Variants in TMEM156 observed in about 807,000 individuals in gnomAD.
TMEM156 encodes the protein transmembrane protein 156.
A neutral mutation model predicts 30.5 loss-of-function variants in TMEM156; 28 were observed. The observed-to-expected ratio is 0.92, with a 90% CI of 0.68 to 1.26. The LOEUF (loss-of-function observed/expected upper bound fraction) is 1.26. Among genes scored for constraint, TMEM156 ranks in the 50% most tolerant of loss-of-function variants. The pLI is 0.00. For missense variants in TMEM156, 351 were observed against 340.6 expected, an observed-to-expected ratio of 1.03 and a Z score of -0.24; for synonymous variants, 137 against 119.9, an observed-to-expected ratio of 1.14 and a Z score of -0.93.
At chr4:39,019,101 G>T (rs1714698987) in intron 1 of TMEM156, among the ~76,000 whole-genome samples, 1 of 151,030 alleles carries the variant, frequency 6.6e-6, no homozygotes. Flanking sequence ...TTTTGCTTGG[G>T]ATTTGTGGGT....
intron 1 of TMEM156, among the ~76,000 whole-genome samples, chr4:39,019,415 G>A (rs1714715185): frequency 6.6e-6 from 1 of 151,986 alleles, no homozygotes; most frequent in Admixed American, 6.5e-5. Flanking sequence ...TTTCAAATCT[G>A]CCTGGTAACT....
chr4:39,019,651 C>T lies in TMEM156; in HGVS notation c.88+12575G>A, dbSNP rs186977963. 4.3e-4 allele frequency among the ~76,000 whole-genome samples: 66 copies of T among 152,106 alleles called. 1 individual carries two copies. Among genetic ancestry groups the T allele is most frequent in the African/African-American group, 1.5e-3 (62 of 41,480 alleles). ...TTTAAACTTCATATATTTTCAGGTG[C>T]CTTTCCCCAAGTTTTATTAAGGTAT... On this transcript the variant is annotated intron_variant, in intron 1 of 6. Transcript: ENST00000381938.
chr4:38,999,110 A>ATT (rs34889728), intron 1 of TMEM156, among the ~76,000 whole-genome samples: 9 of 106,094 alleles, frequency 8.5e-5, no homozygotes, highest in African/African-American at 1.4e-4. Flanking sequence ...TTATTTATTT[A>ATT]TTTTTTTTTT....
chr4:39,010,514 C>G (rs1432816047), intron 1 of TMEM156, among the ~76,000 whole-genome samples: 1 of 152,136 alleles, frequency 6.6e-6, no homozygotes, highest in African/African-American at 2.4e-5. Context: ...TCAAACTATA[C>G]TACAAGGCTA....
chr4:38,989,956 G>A (rs112221854), intron 3 of TMEM156, among the ~76,000 whole-genome samples: 2,518 of 152,160 alleles, frequency 0.017, 32 homozygotes, highest in Middle Eastern at 0.061. Context: ...ACCACGCCCG[G>A]CTAATTTTTT....
At chr4:39,016,252 A>T (rs1714473993) in intron 1 of TMEM156, among the ~76,000 whole-genome samples, 1 of 152,112 alleles carries the variant, frequency 6.6e-6, no homozygotes, top group African/African-American at 2.4e-5. Context: ...GTGAGTCTGT[A>T]GTCCCAGCTA....
At chr4:38,971,441 CAA>C (rs1335126708) in intron 5 of TMEM156, among the ~76,000 whole-genome samples, 1 of 152,158 alleles carries the variant, frequency 6.6e-6, no homozygotes, top group African/African-American at 2.4e-5. Context: ...AAACTGACTG[CAA>C]ACATTTTATT....
At chr4:38,978,980 A>G (rs920172168) in intron 5 of TMEM156, among the ~76,000 whole-genome samples, 1 of 152,242 alleles carries the variant, frequency 6.6e-6, no homozygotes, top group African/African-American at 2.4e-5. Context: ...CCTAACCAAC[A>G]TCTGTTTCCT....
At chr4:39,029,868 G>C (rs1418960595) in intron 1 of TMEM156, among the ~76,000 whole-genome samples, 5 of 151,678 alleles carry the variant, frequency 3.3e-5, no homozygotes, top group Non-Finnish European at 7.4e-5. Flanking sequence ...AAAAATAATG[G>C]TTTTTATTAT....
chr4:38,989,947 C>T (rs1712300168), intron 3 of TMEM156, among the ~76,000 whole-genome samples: 2 of 152,138 alleles, frequency 1.3e-5, no homozygotes, highest in Admixed American at 1.3e-4. Context: ...GTGCTCACCA[C>T]CACGCCCGGC....
At chr4:38,970,907 T>C in intron 6 of TMEM156, 125 bp downstream of exon 6, 1 of 601,634 alleles carries the variant, frequency 1.7e-6, no homozygotes, top group Non-Finnish European at 3.0e-6. Flanking sequence ...TCATATGAAC[T>C]GACTTTGCAA....
chr4:38,989,803 A>ATTTTC (rs1445251662), intron 3 of TMEM156, among the ~76,000 whole-genome samples: 47 of 151,714 alleles, frequency 3.1e-4, no homozygotes, highest in Admixed American at 2.0e-4. Flanking sequence ...ATTTTATTTT[A>ATTTTC]TTTTATTTTA....
At chr4:39,030,687 T>G (rs1715457540) in intron 1 of TMEM156, among the ~76,000 whole-genome samples, 1 of 152,244 alleles carries the variant, frequency 6.6e-6, no homozygotes, top group Non-Finnish European at 1.5e-5. Flanking sequence ...ACCTGGTTTT[T>G]ATTAGATCCA....
chr4:38,970,452 C>T (rs1161739831), intron 6 of TMEM156, among the ~76,000 whole-genome samples: 1 of 152,038 alleles, frequency 6.6e-6, no homozygotes, highest in African/African-American at 2.4e-5. Context: ...AAGTGGGATG[C>T]TTATAAATGC....
chr4:39,029,470 T>TAAAAACCAAGACAATTA (rs376272164), intron 1 of TMEM156, among the ~76,000 whole-genome samples: 1 of 90,800 alleles, frequency 1.1e-5, no homozygotes, highest in Non-Finnish European at 2.2e-5. Flanking sequence ...AACTAATTTT[T>TAAAAACCAAGACAATTA]TTGGGAGGCC....
At chr4:38,992,713 T>TATATATATAATATATATATA (rs1712586410) in intron 3 of TMEM156, among the ~76,000 whole-genome samples, 1 of 46,642 alleles carries the variant, frequency 2.1e-5, no homozygotes, top group African/African-American at 6.9e-5. Flanking sequence ...ATATATATAT[T>TATATATATAATATATATATA]ATATATATAT....
chr4:38,997,559 G>A (rs1713019021), intron 2 of TMEM156, among the ~76,000 whole-genome samples: 1 of 152,118 alleles, frequency 6.6e-6, no homozygotes, highest in African/African-American at 2.4e-5. Context: ...TCAGTATCTA[G>A]TGATAAGGAG....
chr4:38,979,461 T>C (rs1262205610), intron 5 of TMEM156, among the ~76,000 whole-genome samples: 1 of 152,230 alleles, frequency 6.6e-6, no homozygotes, highest in African/African-American at 2.4e-5. Context: ...TGAATTTTGA[T>C]ATATTATACT....
chr4:38,978,416 G>T (rs1722989911), intron 5 of TMEM156, among the ~76,000 whole-genome samples: 1 of 152,058 alleles, frequency 6.6e-6, no homozygotes, highest in Admixed American at 6.6e-5. Context: ...GGTATTCTGG[G>T]CACTGTTTTA....
Sources: allele counts gnomAD v4.1 joint callset (sites outside exome capture counted in the v4.1 genomes callset), GRCh38; gene constraint gnomAD v4.1.1; transcripts MANE v1.5; gene names NCBI Gene and HGNC (gene_info 2026-07-23, HGNC 2026-07-21).